The following HERC1 variants were observed in gnomAD, a reference collection of about 807,000 sequenced individuals.
HERC1 encodes probable E3 ubiquitin-protein ligase HERC1.
Under a neutral mutation model 554.3 loss-of-function variants are expected in HERC1, and 160 were observed. That is an observed-to-expected ratio of 0.29 (90% CI 0.25 to 0.33). The LOEUF (loss-of-function observed/expected upper bound fraction) is 0.33, where lower values mean the gene tolerates loss of function less well. HERC1 is among the 10% of genes least tolerant of loss of function. The probability of loss-of-function intolerance (pLI) is 1.00; values close to 1 mark genes in which losing one functional copy is unlikely to be tolerated. For missense variants in HERC1, 4,919 were observed against 5,918.5 expected (o/e 0.83, Z 5.54); for synonymous variants, 2,175 against 2,131.7 (o/e 1.02, Z -0.56).
chr15:63,689,798 G>A (rs780074727), intron 32 of HERC1, 99 bp from the exon 33 acceptor site: 58 of 648,974 alleles, frequency 8.9e-5, no homozygotes, highest in East Asian at 2.6e-4. Context: ...ACTCGCATGC[G>A]AAGTTTGATT....
chr15:63,638,598 C>T lies in HERC1; in HGVS notation c.11968-62G>A, dbSNP rs981928159. Reference sequence around the variant, plus strand: ...CATTCACTCAAACAGCCATGTACTACGTACCAAGTGTGTGCCAGCCTGTAT... The same window carrying T: ...CATTCACTCAAACAGCCATGTACTATGTACCAAGTGTGTGCCAGCCTGTAT... On this transcript the variant is annotated intron_variant, in intron 62 of 77. Transcript: ENST00000443617. 1.1e-5 allele frequency: 17 copies of T among 1,610,080 alleles called. 1 individual carries two copies. The highest frequency in any genetic ancestry group is 5.5e-5 in the South Asian group (5 of 90,896).
chr15:63,692,589 C>A lies in HERC1; in HGVS notation c.5675-23G>T. Reference sequence around the variant, plus strand: ...CAGCTACAGTGAAGAGACAAGTTTACGTTACAACCAAGAGCCAACAAGAAA... The same window carrying A: ...CAGCTACAGTGAAGAGACAAGTTTAAGTTACAACCAAGAGCCAACAAGAAA... On this transcript the variant is annotated intron_variant, in intron 30 of 77. Transcript: ENST00000443617. This position sits in a 1 kb window ranked among gnomAD's most constrained non-coding sequence, Gnocchi z 4.7. 2 of 1,573,018 alleles carry A rather than the reference C, an allele frequency of 1.3e-6. No individual in the cohort carries two copies. Among genetic ancestry groups the A allele is most frequent in the Non-Finnish European group, 8.6e-7 (1 of 1,163,394 alleles).
intron 19 of HERC1, among the ~76,000 whole-genome samples, 190 bp downstream of exon 19, chr15:63,722,992 A>C (rs957574639): frequency 6.6e-6 from 1 of 152,162 alleles, no homozygotes; most frequent in African/African-American, 2.4e-5. Flanking sequence ...AGTGGAATAC[A>C]TGTATATAAA....
intron 17 of HERC1, 37 bp from the exon 18 acceptor site, chr15:63,725,550 G>T: frequency 1.3e-6 from 2 of 1,532,410 alleles, no homozygotes; most frequent in South Asian, 2.3e-5. Context: ...GTCTTTATCT[G>T]GTACTTTTAA....
At chr15:63,699,165 C>T (rs969364005) in intron 25 of HERC1, among the ~76,000 whole-genome samples, 169 bp from the exon 26 acceptor site, 1 of 152,100 alleles carries the variant, frequency 6.6e-6, no homozygotes, top group Non-Finnish European at 1.5e-5. Context: ...TTGGTAAAAA[C>T]AACAAACAAA....
chr15:63,821,330 G>A (rs1337639035), intron 1 of HERC1, among the ~76,000 whole-genome samples: 12 of 151,770 alleles, frequency 7.9e-5, no homozygotes, highest in Non-Finnish European at 1.3e-4. Context: ...TGAGGCGGGC[G>A]GATCACGAGG....
In HERC1 at chr15:63,791,125, G is replaced by A. The variant is rs115995586; in HGVS notation, c.-26-15476C>T. Among the ~76,000 whole-genome samples the A allele has an allele frequency of 5.1e-3, 779 of 152,266 alleles. 5 individuals are homozygous for A. The highest frequency in any genetic ancestry group is 0.018 in the African/African-American group (737 of 41,536). The stretch of plus-strand genomic sequence containing the variant: ...CCTTTCCTCGGACATACAGAAATTT[G>A]CAGTTTGGGGATAAATACCTGAGAG... On this transcript the variant is annotated intron_variant, in intron 1 of 77. Coordinates refer to ENST00000443617, the MANE Select transcript of HERC1 (RefSeq NM_003922.4).
intron 71 of HERC1, among the ~76,000 whole-genome samples, chr15:63,625,707 A>AAG (rs1555404786): frequency 1.3e-5 from 2 of 151,670 alleles, no homozygotes; most frequent in Non-Finnish European, 2.9e-5. Flanking sequence ...AAAAAAAAAA[A>AAG]AAAGAAAGAA....
intron 1 of HERC1, among the ~76,000 whole-genome samples, chr15:63,829,889 A>G (rs1223392550): frequency 2.0e-5 from 3 of 152,108 alleles, no homozygotes; most frequent in Non-Finnish European, 4.4e-5. Flanking sequence ...AAATAATGAT[A>G]GTATTGGATT....
chr15:63,763,056 C>T (rs1329884122), intron 3 of HERC1, among the ~76,000 whole-genome samples: 2 of 152,154 alleles, frequency 1.3e-5, no homozygotes, highest in Non-Finnish European at 2.9e-5. Context: ...CAATAAATAC[C>T]GTGGGGTCCC....
intron 50 of HERC1, 93 bp from the exon 51 acceptor site, chr15:63,654,417 G>T: frequency 1.0e-6 from 1 of 980,004 alleles, no homozygotes; most frequent in Non-Finnish European, 1.5e-6. Context: ...GTGAGATTTG[G>T]TGGTGGTGAA....
intron 42 of HERC1, among the ~76,000 whole-genome samples, chr15:63,665,459 G>A (rs985701301): frequency 6.6e-6 from 1 of 152,180 alleles, no homozygotes; most frequent in Admixed American, 6.5e-5. Flanking sequence ...TTGAACCGGG[G>A]AGGCGGAGGT....
chr15:63,637,687 T>C lies in HERC1; in HGVS notation c.12094-44A>G, dbSNP rs370301966. 4.7e-5 allele frequency: 69 copies of C among 1,476,996 alleles called. No individual in the cohort carries two copies. In the East Asian group the frequency reaches 9.9e-4, roughly 21 times the overall value. 91.5% of individuals were successfully genotyped at this position (1,476,996 alleles called of 1,614,324 possible). On this transcript the variant is annotated intron_variant, in intron 63 of 77. Transcript: ENST00000443617. ...ATTAAATATTTTATTCTTTATTATA[T>C]TGCTTTAACATGCAAGCACTTGAAA...
intron 14 of HERC1, among the ~76,000 whole-genome samples, chr15:63,732,064 C>A (rs1438598130): frequency 6.6e-6 from 1 of 152,012 alleles, no homozygotes. Flanking sequence ...TGCAGTGGTG[C>A]GACCTCAGCT....
intron 54 of HERC1, among the ~76,000 whole-genome samples, chr15:63,649,102 C>A (rs2152877902): frequency 6.6e-6 from 1 of 152,308 alleles, no homozygotes; most frequent in East Asian, 1.9e-4. Flanking sequence ...CGCCTGTAAT[C>A]CCAGGACTTT....
At chr15:63,668,460 G>C (rs906391667) in intron 40 of HERC1, among the ~76,000 whole-genome samples, 1 of 152,152 alleles carries the variant, frequency 6.6e-6, no homozygotes, top group Admixed American at 6.5e-5. Flanking sequence ...TCCAGCCCGG[G>C]TGACAGAGCA....
At chr15:63,768,798 T>C (rs142063728) in intron 2 of HERC1, among the ~76,000 whole-genome samples, 1 of 152,360 alleles carries the variant, frequency 6.6e-6, no homozygotes, top group Non-Finnish European at 1.5e-5. Context: ...CATCCTGAGA[T>C]GGGAATGATG....
rs1358322891 is a variant in HERC1, at chr15:63,624,197, T to G, written c.13406A>C (p.Asn4469Thr). Reference sequence around the variant, plus strand: ...CTTTACAGTTATCTGAGGTCCATAGTTTTTGCCTTGAACCATGGTTTTTCC... The same window carrying G: ...CTTTACAGTTATCTGAGGTCCATAGGTTTTGCCTTGAACCATGGTTTTTCC... ...SIGKTMVQGK[N>T]YGPQITVKRI... is the part of the protein sequence containing the mutation. Residue 4469 changes from asparagine to threonine, a missense_variant, in exon 72 of 78, where the codon AAC becomes ACC. Asn to Thr is a moderately conservative substitution (Grantham distance 65). Around this residue, in one of 11 missense-constraint regions of HERC1, gnomAD observed 410 missense variants for 467.0 expected, o/e 0.88. Coordinates refer to ENST00000443617, the MANE Select transcript of HERC1 (RefSeq NM_003922.4). 1.2e-6 allele frequency: 2 copies of G among 1,613,780 alleles called. No individual in the cohort carries two copies. Among genetic ancestry groups the G allele is most frequent in the South Asian group, 1.1e-5 (1 of 91,084 alleles).
chr15:63,742,298 T>C (rs1179447344), intron 12 of HERC1, among the ~76,000 whole-genome samples: 1 of 152,208 alleles, frequency 6.6e-6, no homozygotes, highest in Non-Finnish European at 1.5e-5. Flanking sequence ...ACATTGTTGG[T>C]GTATAGAAAC....
Sources: allele counts gnomAD v4.1 joint callset (sites outside exome capture counted in the v4.1 genomes callset), GRCh38; gene constraint gnomAD v4.1.1; regional missense constraint gnomAD v4.1.1; non-coding constraint Gnocchi (gnomAD v3.1); transcripts MANE v1.5; gene names NCBI Gene and HGNC (gene_info 2026-07-23, HGNC 2026-07-21).